The following CTNNA3 variants were observed in gnomAD, a reference collection of about 807,000 sequenced individuals.
CTNNA3 encodes the protein catenin alpha-3.
A neutral mutation model predicts 95.7 loss-of-function variants in CTNNA3; 76 were observed. The ratio of observed to expected loss-of-function variants is 0.79; its 90% CI spans 0.66 to 0.96. The LOEUF is 0.96. CTNNA3 is among the 40% of genes least tolerant of loss of function. CTNNA3 has a pLI of 0.00. For missense variants in CTNNA3, 1,191 were observed against 1,089.8 expected (o/e 1.09, Z -1.31); for synonymous variants, 431 against 374.4 (o/e 1.15, Z -1.74).
chr10:67,019,435 C>A (rs978295320), intron 7 of CTNNA3, among the ~76,000 whole-genome samples: 1 of 152,154 alleles, frequency 6.6e-6, no homozygotes, highest in Non-Finnish European at 1.5e-5. Flanking sequence ...TCAAGCTGGT[C>A]ACAAACTCCC....
At chr10:67,235,500 T>C (rs1261019915) in intron 5 of CTNNA3, among the ~76,000 whole-genome samples, 2 of 150,846 alleles carry the variant, frequency 1.3e-5, no homozygotes, top group African/African-American at 2.4e-5. Flanking sequence ...TTACACCTTA[T>C]ACAAAAATCA....
intron 5 of CTNNA3, among the ~76,000 whole-genome samples, chr10:67,330,133 C>T (rs1266302128): frequency 6.6e-6 from 1 of 152,182 alleles, no homozygotes; most frequent in African/African-American, 2.4e-5. Context: ...GCAAGGGAAA[C>T]TGGGAGGTAT....
rs1209630508 is a variant in CTNNA3, at chr10:67,726,581, T to A, written c.-2+36853A>T. ...AATATAATATATATTACATATTATA[T>A]AATATGTAATATTATATTACATATT... On this transcript the variant is annotated intron_variant, in intron 1 of 17. Transcript: ENST00000684154. Among the ~76,000 whole-genome samples the A allele has an allele frequency of 2.8e-4, 20 of 70,960 alleles. No homozygotes were observed. The Admixed American group carries it at 4.6e-3, about 16-fold the overall frequency. 46.6% of individuals were successfully genotyped at this position (70,960 alleles called of 152,430 possible). A position where few individuals can be genotyped will look rare whatever the true frequency, so the allele number is the denominator to read the frequency against.
intron 12 of CTNNA3, among the ~76,000 whole-genome samples, chr10:66,288,476 CACT>C (rs1283900038): frequency 1.3e-5 from 2 of 151,998 alleles, no homozygotes; most frequent in Admixed American, 6.6e-5. Flanking sequence ...ACGTGTGCAC[CACT>C]GAGTTGCTCA....
chr10:66,797,979 G>C (rs1841277614), intron 7 of CTNNA3, among the ~76,000 whole-genome samples: 1 of 151,754 alleles, frequency 6.6e-6, no homozygotes, highest in African/African-American at 2.4e-5. Flanking sequence ...TATGCATCCA[G>C]ATTGGCCTTT....
intron 13 of CTNNA3, among the ~76,000 whole-genome samples, chr10:66,202,662 G>A (rs1422927273): frequency 2.0e-5 from 3 of 151,968 alleles, no homozygotes; most frequent in African/African-American, 7.3e-5. Flanking sequence ...TTCACTTTTA[G>A]TTAAACCATT....
intron 7 of CTNNA3, among the ~76,000 whole-genome samples, chr10:66,947,512 G>T (rs967797322): frequency 6.6e-6 from 1 of 151,896 alleles, no homozygotes; most frequent in Non-Finnish European, 1.5e-5. Flanking sequence ...TGCCCTCTTT[G>T]TTTCCCCCAC....
At chr10:67,213,787 G>A (rs1162001226) in intron 6 of CTNNA3, among the ~76,000 whole-genome samples, 3 of 151,678 alleles carry the variant, frequency 2.0e-5, no homozygotes, top group African/African-American at 7.2e-5. Context: ...TAGGTGGCCT[G>A]TATAATACTA....
chr10:66,655,638 G>C (rs1487829572), intron 9 of CTNNA3, among the ~76,000 whole-genome samples: 5 of 152,010 alleles, frequency 3.3e-5, no homozygotes, highest in African/African-American at 1.2e-4. Flanking sequence ...TAGTCTAGTG[G>C]CTTCAATTTT....
intron 17 of CTNNA3, among the ~76,000 whole-genome samples, chr10:65,955,456 G>A (rs1035531630): frequency 1.3e-5 from 2 of 152,138 alleles, no homozygotes; most frequent in African/African-American, 4.8e-5. Flanking sequence ...AGGCATCCCT[G>A]TCTTGCGCCA....
chr10:67,042,820 G>A (rs1467787524), intron 7 of CTNNA3, among the ~76,000 whole-genome samples: 1 of 152,156 alleles, frequency 6.6e-6, no homozygotes, highest in Non-Finnish European at 1.5e-5. Context: ...GATAGTCAAC[G>A]AGAGTTAATT....
At chr10:66,878,285 G>A (rs1391357235) in intron 7 of CTNNA3, among the ~76,000 whole-genome samples, 2 of 152,072 alleles carry the variant, frequency 1.3e-5, no homozygotes, top group East Asian at 1.9e-4. Context: ...TTCTAAATCC[G>A]GCTCACGGCA....
chr10:67,038,946 T>C (rs1202713554), intron 7 of CTNNA3, among the ~76,000 whole-genome samples: 3 of 152,052 alleles, frequency 2.0e-5, no homozygotes, highest in Non-Finnish European at 4.4e-5. Flanking sequence ...TAAAAAATAG[T>C]CTTTTGAGAA....
intron 12 of CTNNA3, among the ~76,000 whole-genome samples, chr10:66,331,342 G>GTTTTTTTTTTTT (rs60709020): frequency 2.5e-5 from 2 of 80,336 alleles, no homozygotes; most frequent in African/African-American, 4.7e-5. Flanking sequence ...CCCATTGTTT[G>GTTTTTTTTTTTT]TTTTTTTTTT....
In CTNNA3 at chr10:67,516,508, C is replaced by A. The variant is rs74142828; in HGVS notation, c.579+5334G>T. Among the ~76,000 whole-genome samples the A allele has an allele frequency of 2.8e-3, 424 of 152,166 alleles. 3 individuals are homozygous for A. Among genetic ancestry groups the A allele is most frequent in the African/African-American group, 9.8e-3 (407 of 41,512 alleles). On this transcript the variant is annotated intron_variant, in intron 5 of 17. Transcript: ENST00000433211. ...AGAGTTCTCAAGTTCCCAGAGTAAG[C>A]CTAAGAGTATTTTCTATGTGGTCAG...
At chr10:66,227,395 G>T (rs1589788998) in intron 13 of CTNNA3, among the ~76,000 whole-genome samples, 1 of 150,270 alleles carries the variant, frequency 6.7e-6, no homozygotes, top group Non-Finnish European at 1.5e-5. Context: ...TTTTCATGAG[G>T]TAATGTTGAA....
chr10:66,781,604 G>A (rs1589248647), intron 7 of CTNNA3, among the ~76,000 whole-genome samples: 1 of 152,166 alleles, frequency 6.6e-6, no homozygotes, highest in East Asian at 1.9e-4. Context: ...TCTGAGTTTT[G>A]AAATGAGGTT....
At chr10:66,490,241 A>C (rs185431695) in intron 11 of CTNNA3, among the ~76,000 whole-genome samples, 28 of 152,284 alleles carry the variant, frequency 1.8e-4, no homozygotes, top group Middle Eastern at 3.4e-3. Context: ...ACCCTACTAG[A>C]ATGAATTATA....
intron 7 of CTNNA3, among the ~76,000 whole-genome samples, chr10:67,001,908 ACCAGG>A (rs781207789): frequency 2.2e-4 from 33 of 152,172 alleles, no homozygotes; most frequent in Middle Eastern, 3.2e-3. Flanking sequence ...ATTTGCTACA[ACCAGG>A]CATTTCTCTT....
Sources: allele counts gnomAD v4.1 joint callset (sites outside exome capture counted in the v4.1 genomes callset), GRCh38; gene constraint gnomAD v4.1.1; transcripts MANE v1.5; gene names NCBI Gene and HGNC (gene_info 2026-07-23, HGNC 2026-07-21).